Variants in ANKRD12 observed in about 807,000 individuals in gnomAD.
ANKRD12 encodes the protein ankyrin repeat domain-containing protein 12.
A neutral mutation model predicts 183.4 loss-of-function variants in ANKRD12; 85 were observed. That is an observed-to-expected ratio of 0.46 (90% CI 0.39 to 0.56). The LOEUF (loss-of-function observed/expected upper bound fraction) is 0.56. ANKRD12 is among the 20% of genes least tolerant of loss of function. The probability of loss-of-function intolerance (pLI) is 0.00; values close to 1 mark genes in which losing one functional copy is unlikely to be tolerated. For synonymous variants in ANKRD12, 914 were observed against 800.2 expected, an observed-to-expected ratio of 1.14 and a Z score of -2.40; for missense variants, 2,405 against 2,357.1, an observed-to-expected ratio of 1.02 and a Z score of -0.42.
Position 9,279,645 on chromosome 18 carries a change from G to A in ANKRD12, c.6003+1G>A. 6.4e-7 allele frequency: 1 copy of A among 1,564,876 alleles called. No individual in the cohort carries two copies. Among genetic ancestry groups the A allele is most frequent in the Middle Eastern group, 1.9e-4 (1 of 5,334 alleles). On this transcript the variant is annotated splice_donor_variant, in intron 12 of 12. Transcript: ENST00000262126. LOFTEE classifies it high-confidence loss of function. ...GGATGATAAATTTGACAAATTAAAGGTATGTATGTTTGGAAGTCAGTTTAA... is the reference window on the plus strand; with the variant it reads ...GGATGATAAATTTGACAAATTAAAGATATGTATGTTTGGAAGTCAGTTTAA...
chr18:9,180,507 C>A (rs1202771238), intron 1 of ANKRD12, among the ~76,000 whole-genome samples: 4 of 151,750 alleles, frequency 2.6e-5, no homozygotes, highest in African/African-American at 9.7e-5. Context: ...TTTCATTGTT[C>A]AATTTTTCTT....
chr18:9,271,409 C>T (rs2039597156), intron 10 of ANKRD12, among the ~76,000 whole-genome samples: 1 of 152,116 alleles, frequency 6.6e-6, no homozygotes, highest in Non-Finnish European at 1.5e-5. Context: ...CGTTTAGCAA[C>T]TCGGGAGGCT....
chr18:9,219,421 A>T (rs1468598468), intron 7 of ANKRD12, among the ~76,000 whole-genome samples: 1 of 152,262 alleles, frequency 6.6e-6, no homozygotes, highest in East Asian at 1.9e-4. Context: ...GTTTCAAAGG[A>T]TAGACCCACA....
chr18:9,269,074 G>C (rs1019666526), intron 10 of ANKRD12, among the ~76,000 whole-genome samples: 18 of 152,122 alleles, frequency 1.2e-4, no homozygotes, highest in African/African-American at 4.3e-4. Flanking sequence ...GGATGTGAAG[G>C]ACCTCTTCAA....
At position 9,186,335 on chromosome 18, in the gene ANKRD12, G is replaced by A. The variant is rs2034060466; in HGVS notation, c.87+3816G>A. Among the ~76,000 whole-genome samples the A allele has an allele frequency of 2.0e-5, 3 of 152,154 alleles. No homozygotes were observed. The South Asian group carries it at 6.2e-4, about 32-fold the overall frequency. On this transcript the variant is annotated intron_variant, in intron 2 of 12. Transcript: ENST00000262126. Reference sequence around the variant, plus strand: ...AATCATTGGATTTATAAAATAAATGGCAAGAATGAATACAAACTATTACAT... The same window carrying A: ...AATCATTGGATTTATAAAATAAATGACAAGAATGAATACAAACTATTACAT...
chr18:9,168,975 T>G lies in ANKRD12; in HGVS notation c.-51-13407T>G, dbSNP rs190636400. Reference sequence around the variant, plus strand: ...GTTATTTCTGCCTTCGTTTCATTATTTACCCAGTAGTCATTCAGGAGCAGG... The same window carrying G: ...GTTATTTCTGCCTTCGTTTCATTATGTACCCAGTAGTCATTCAGGAGCAGG... On this transcript the variant is annotated intron_variant, in intron 1 of 12. Transcript: ENST00000262126. 4.1e-3 allele frequency among the ~76,000 whole-genome samples: 630 copies of G among 152,264 alleles called. 7 individuals are homozygous for G. The highest frequency in any genetic ancestry group is 0.015 in the African/African-American group (604 of 41,556).
At chr18:9,236,839 C>T (rs1453236078) in intron 8 of ANKRD12, among the ~76,000 whole-genome samples, 3 of 152,032 alleles carry the variant, frequency 2.0e-5, no homozygotes, top group Admixed American at 2.0e-4. Context: ...ATACATTGGC[C>T]AGATTCTTTA....
chr18:9,228,595 T>G (rs928105976), intron 8 of ANKRD12, among the ~76,000 whole-genome samples: 3 of 152,134 alleles, frequency 2.0e-5, no homozygotes, highest in East Asian at 3.8e-4. Context: ...TTTCATATAT[T>G]AGCCATTTGT....
chr18:9,200,062 A>T (rs1211769546), intron 3 of ANKRD12, among the ~76,000 whole-genome samples: 1 of 152,228 alleles, frequency 6.6e-6, no homozygotes, highest in African/African-American at 2.4e-5. Flanking sequence ...ATCAGCAGTA[A>T]TGCTGTCTAC....
At chr18:9,241,140 G>A (rs2037635960) in intron 8 of ANKRD12, among the ~76,000 whole-genome samples, 1 of 152,080 alleles carries the variant, frequency 6.6e-6, no homozygotes, top group African/African-American at 2.4e-5. Context: ...AGCTTAGGAA[G>A]TTTTAAAGTA....
intron 2 of ANKRD12, among the ~76,000 whole-genome samples, chr18:9,189,478 G>A (rs1407190911): frequency 6.6e-6 from 1 of 152,218 alleles, no homozygotes; most frequent in Non-Finnish European, 1.5e-5. Flanking sequence ...AGATGAAATA[G>A]CCTTCTATTG....
chr18:9,217,121 A>T (rs1481298997), intron 7 of ANKRD12, among the ~76,000 whole-genome samples: 1 of 152,208 alleles, frequency 6.6e-6, no homozygotes, highest in African/African-American at 2.4e-5. Context: ...ACAGTTGATT[A>T]AATAATTTGG....
chr18:9,223,930 T>C (rs1232698729), intron 8 of ANKRD12, among the ~76,000 whole-genome samples: 1 of 152,116 alleles, frequency 6.6e-6, no homozygotes, highest in Non-Finnish European at 1.5e-5. Context: ...AGAATGAAAA[T>C]AAGTGAACTT....
Position 9,285,518 on chromosome 18 carries a change from GAATATC to G in ANKRD12, c.*4397_*4402del, listed in dbSNP as rs2040201427. The G allele has an allele frequency of 6.6e-6, 1 of 151,298 alleles. No individual in the cohort carries two copies. Among genetic ancestry groups the G allele is most frequent in the Admixed American group, 6.6e-5 (1 of 15,162 alleles). 9.4% of individuals were successfully genotyped at this position (151,298 alleles called of 1,614,324 possible). On this transcript the variant is annotated 3_prime_UTR_variant, in exon 13 of 13. Transcript: ENST00000262126. ...CCACCTATGCACTCATCACTCAAGA[GAATATC>G]AATAACTTTCTCAGTTTTTTTTCAT... is the stretch of plus-strand genomic sequence containing the variant.
At chr18:9,260,020 T>C (rs977201110) in intron 9 of ANKRD12, 1 of 152,202 alleles carries the variant, frequency 6.6e-6, no homozygotes, top group Non-Finnish European at 1.5e-5. Context: ...CTCCAGACTT[T>C]GTACATAAAA....
intron 8 of ANKRD12, among the ~76,000 whole-genome samples, chr18:9,240,736 G>C (rs942440634): frequency 2.6e-5 from 4 of 152,126 alleles, no homozygotes; most frequent in African/African-American, 4.8e-5. Flanking sequence ...CAAGAAAAAT[G>C]CTCCATTAAT....
intron 5 of ANKRD12, among the ~76,000 whole-genome samples, chr18:9,210,732 A>AAAAAAAAAAAAAAC (rs1319235390): frequency 6.6e-6 from 1 of 150,664 alleles, no homozygotes; most frequent in Admixed American, 6.6e-5. Flanking sequence ...TCTCAAAAAA[A>AAAAAAAAAAAAAAC]AAAAAAATCC....
chr18:9,264,756 T>C (rs571662187), intron 10 of ANKRD12, among the ~76,000 whole-genome samples: 1 of 142,424 alleles, frequency 7.0e-6, no homozygotes, highest in Admixed American at 6.8e-5. Flanking sequence ...CATCAATAGC[T>C]ATTTCAACTA....
chr18:9,237,842 T>G (rs924247021), intron 8 of ANKRD12, among the ~76,000 whole-genome samples: 2 of 152,128 alleles, frequency 1.3e-5, no homozygotes, highest in Non-Finnish European at 2.9e-5. Context: ...CAAAGTACAG[T>G]CGGACACAAT....
Sources: allele counts gnomAD v4.1 joint callset (sites outside exome capture counted in the v4.1 genomes callset), GRCh38; gene constraint gnomAD v4.1.1; transcripts MANE v1.5; gene names NCBI Gene and HGNC (gene_info 2026-07-23, HGNC 2026-07-21).